Variants in UVRAG observed in about 807,000 individuals in gnomAD.
UVRAG encodes the protein UV radiation resistance associated, also known as UV radiation resistance-associated gene protein.
Under a neutral mutation model 78.0 loss-of-function variants are expected in UVRAG, and 19 were observed. The ratio of observed to expected loss-of-function variants is 0.24; its 90% confidence interval spans 0.17 to 0.36. The LOEUF is 0.36. Ranked by LOEUF, UVRAG falls within the 10% of genes least tolerant of loss-of-function variation. The pLI is 1.00. For synonymous variants in UVRAG, 323 were observed against 324.6 expected (o/e 1.00, Z 0.05); for missense variants, 740 against 853.8 (o/e 0.87, Z 1.66).
At chr11:75,948,203 T>C (rs1040802371) in intron 6 of UVRAG, among the ~76,000 whole-genome samples, 37 of 152,212 alleles carry the variant, frequency 2.4e-4, no homozygotes, top group African/African-American at 8.7e-4. Flanking sequence ...TAATTATTGA[T>C]ACACTAAGAC....
intron 8 of UVRAG, among the ~76,000 whole-genome samples, chr11:75,997,345 T>C (rs908707061): frequency 6.6e-6 from 1 of 152,268 alleles, no homozygotes; most frequent in African/African-American, 2.4e-5. Context: ...GTTTTGTTGC[T>C]GGAAGCAAGA....
chr11:75,985,664 T>C lies in UVRAG; in HGVS notation c.826+2151T>C, dbSNP rs537049635. Among the ~76,000 whole-genome samples, 192 of 152,304 alleles carry C rather than the reference T, an allele frequency of 1.3e-3. 1 individual carries two copies. Among genetic ancestry groups the C allele is most frequent in the Non-Finnish European group, 2.3e-3 (153 of 67,996 alleles). Reference sequence around the variant, plus strand: ...CTTTAAAATACTTTACTATTTTACTTCTTACATTTATATCTATAATTCATC... The same window carrying C: ...CTTTAAAATACTTTACTATTTTACTCCTTACATTTATATCTATAATTCATC... On this transcript the variant is annotated intron_variant, in intron 8 of 14. Transcript: ENST00000356136.
intron 3 of UVRAG, among the ~76,000 whole-genome samples, chr11:75,869,480 TTA>T: frequency 1.3e-5 from 2 of 152,308 alleles, no homozygotes; most frequent in Middle Eastern, 6.8e-3. Context: ...TGTGTGTAGC[TTA>T]TGTCAGATTA....
At position 75,859,535 on chromosome 11, in the gene UVRAG, T is replaced by C. The variant is rs138672623; in HGVS notation, c.236-2211T>C. Among the ~76,000 whole-genome samples the C allele has an allele frequency of 8.0e-3, 1,211 of 152,166 alleles. 12 individuals are homozygous for C. The highest frequency in any genetic ancestry group is 0.027 in the African/African-American group (1,131 of 41,542). Reference sequence around the variant, plus strand: ...AACAATAACAATAAAAATTATAAAATATTTTAAATACATTATTTTATTTCA... The same window carrying C: ...AACAATAACAATAAAAATTATAAAACATTTTAAATACATTATTTTATTTCA... On this transcript the variant is annotated intron_variant, in intron 2 of 14. Coordinates refer to ENST00000356136, the MANE Select transcript of UVRAG (RefSeq NM_003369.4).
intron 12 of UVRAG, among the ~76,000 whole-genome samples, chr11:76,042,500 G>A (rs545924567): frequency 6.6e-6 from 1 of 152,136 alleles, no homozygotes; most frequent in Admixed American, 6.5e-5. Flanking sequence ...TCTCTTCTTG[G>A]GTATGTGGAA....
At chr11:75,831,340 T>C (rs1945649540) in intron 1 of UVRAG, among the ~76,000 whole-genome samples, 2 of 151,922 alleles carry the variant, frequency 1.3e-5, no homozygotes, top group South Asian at 4.2e-4. Context: ...TACAAAAAAT[T>C]AGCCGGGTGT....
At chr11:75,917,074 G>A (rs897838896) in intron 6 of UVRAG, among the ~76,000 whole-genome samples, 1 of 152,196 alleles carries the variant, frequency 6.6e-6, no homozygotes, top group Non-Finnish European at 1.5e-5. Context: ...TGAGTAATAA[G>A]GAGGAGGTTA....
At chr11:75,937,833 C>T (rs1948403343) in intron 6 of UVRAG, among the ~76,000 whole-genome samples, 1 of 151,840 alleles carries the variant, frequency 6.6e-6, no homozygotes, top group Non-Finnish European at 1.5e-5. Context: ...TTTTCTGTCT[C>T]CTCCTTCATT....
chr11:76,027,136 C>G (rs1449975653), intron 12 of UVRAG, among the ~76,000 whole-genome samples: 1 of 152,070 alleles, frequency 6.6e-6, no homozygotes, highest in Non-Finnish European at 1.5e-5. Context: ...GATATGCCCC[C>G]CTGAGGAGAG....
rs535631386 is a variant in UVRAG, at chr11:75,897,175, G to A, written c.507+8272G>A. ...ACAAAAATAACCATATAACTTGATC[G>A]TCTCGAGTACATAGGCTGAGATTGA... On this transcript the variant is annotated intron_variant, in intron 5 of 14. Transcript: ENST00000356136. Among the ~76,000 whole-genome samples, 8 of 152,272 alleles carry A rather than the reference G, an allele frequency of 5.3e-5. No homozygotes were observed. In the South Asian group the frequency reaches 1.2e-3, roughly 24 times the overall value.
chr11:76,039,924 A>C (rs1334652933), intron 12 of UVRAG, among the ~76,000 whole-genome samples: 1 of 152,188 alleles, frequency 6.6e-6, no homozygotes, highest in Non-Finnish European at 1.5e-5. Flanking sequence ...TATCAAAGAA[A>C]AATATAAAAC....
At chr11:76,088,991 A>G (rs1387956061) in intron 13 of UVRAG, among the ~76,000 whole-genome samples, 1 of 152,238 alleles carries the variant, frequency 6.6e-6, no homozygotes, top group African/African-American at 2.4e-5. Flanking sequence ...CTAGCACATA[A>G]CATGGACTCA....
intron 6 of UVRAG, among the ~76,000 whole-genome samples, chr11:75,932,005 C>T (rs953403565): frequency 3.3e-5 from 5 of 151,756 alleles, no homozygotes; most frequent in African/African-American, 1.2e-4. Flanking sequence ...AATCAAGGTC[C>T]AGTGGTCCAA....
chr11:75,960,279 T>C (rs910775820), intron 6 of UVRAG, among the ~76,000 whole-genome samples: 15 of 151,980 alleles, frequency 9.9e-5, no homozygotes, highest in Non-Finnish European at 4.4e-5. Context: ...GAGGTATGCC[T>C]ACATACAGAA....
chr11:75,850,942 T>C (rs1946141969), intron 1 of UVRAG, among the ~76,000 whole-genome samples: 1 of 152,184 alleles, frequency 6.6e-6, no homozygotes, highest in Non-Finnish European at 1.5e-5. Flanking sequence ...CCTGGGCTCT[T>C]TTGGCTGACT....
intron 1 of UVRAG, among the ~76,000 whole-genome samples, chr11:75,816,833 G>A (rs1945271902): frequency 1.3e-5 from 2 of 152,200 alleles, no homozygotes; most frequent in African/African-American, 2.4e-5. Flanking sequence ...TGGTTGAAAA[G>A]TGAAATGGAT....
rs1950453544 is a variant in UVRAG at position 76,032,489 on chromosome 11, G to T, written c.1226+15509G>T. On this transcript the variant is annotated intron_variant, in intron 12 of 14. Transcript: ENST00000356136. ...ATAAGAGAGTTCAGTTGTAAGAGGG[G>T]ACATCGCAAGAAAGCCAACCATGTT... Among the ~76,000 whole-genome samples, 3 of 152,250 alleles carry T rather than the reference G, an allele frequency of 2.0e-5. No homozygotes were observed. In the South Asian group the frequency reaches 6.2e-4, roughly 32 times the overall value.
intron 5 of UVRAG, among the ~76,000 whole-genome samples, chr11:75,890,350 C>G (rs1020265556): frequency 6.6e-6 from 1 of 152,098 alleles, no homozygotes; most frequent in African/African-American, 2.4e-5. Context: ...TACTTTGAAA[C>G]AGGGTGACAG....
intron 13 of UVRAG, among the ~76,000 whole-genome samples, chr11:76,094,122 G>T (rs1951748865): frequency 1.3e-5 from 2 of 152,106 alleles, no homozygotes; most frequent in South Asian, 4.2e-4. Context: ...TAATCATGTG[G>T]TTTTTGTCTT....
Sources: allele counts gnomAD v4.1 joint callset (sites outside exome capture counted in the v4.1 genomes callset), GRCh38; gene constraint gnomAD v4.1.1; transcripts MANE v1.5; gene names NCBI Gene and HGNC (gene_info 2026-07-23, HGNC 2026-07-21).